Variants in FRMD4A observed in about 807,000 individuals in gnomAD.
FRMD4A encodes FERM domain-containing protein 4A.
FRMD4A carries 29 observed loss-of-function variants against 129.1 expected under a neutral mutation model. That is an observed-to-expected ratio of 0.22 (90% confidence interval 0.17 to 0.31). The LOEUF is 0.31. FRMD4A is among the 10% of genes least tolerant of loss of function. The pLI is 1.00. For synonymous variants in FRMD4A, 634 were observed against 571.6 expected (o/e 1.11, Z -1.56); for missense variants, 1,272 against 1,375.8 (o/e 0.92, Z 1.19).
chr10:13,751,703 T>G (rs2091633145), intron 8 of FRMD4A, among the ~76,000 whole-genome samples: 1 of 152,224 alleles, frequency 6.6e-6, no homozygotes, highest in Admixed American at 6.5e-5. Context: ...GTGGCTGCAT[T>G]CCATTTTTAG....
At chr10:13,767,904 A>T (rs919671890) in intron 6 of FRMD4A, among the ~76,000 whole-genome samples, 3 of 152,050 alleles carry the variant, frequency 2.0e-5, no homozygotes, top group Non-Finnish European at 4.4e-5. Flanking sequence ...AATTACTTTG[A>T]GACTCTAGAG....
chr10:13,806,941 G>GGGATT (rs1243859077), intron 4 of FRMD4A, among the ~76,000 whole-genome samples: 2 of 152,182 alleles, frequency 1.3e-5, no homozygotes, highest in African/African-American at 2.4e-5. Context: ...CCAAGTAGCT[G>GGGATT]GGATTACAGG....
At chr10:13,777,624 T>C (rs1411150687) in intron 6 of FRMD4A, among the ~76,000 whole-genome samples, 4 of 151,942 alleles carry the variant, frequency 2.6e-5, no homozygotes, top group Non-Finnish European at 5.9e-5. Flanking sequence ...GCATCTGTAG[T>C]ATTTAGTTCT....
intron 2 of FRMD4A, among the ~76,000 whole-genome samples, chr10:14,055,331 C>G (rs1443946035): frequency 6.6e-6 from 1 of 152,096 alleles, no homozygotes; most frequent in East Asian, 1.9e-4. Flanking sequence ...ATCCTCACGT[C>G]TTTATGATGT....
intron 2 of FRMD4A, among the ~76,000 whole-genome samples, chr10:14,136,979 G>T (rs1243370481): frequency 6.6e-6 from 1 of 152,158 alleles, no homozygotes; most frequent in Non-Finnish European, 1.5e-5. Context: ...ATACTGCCAG[G>T]TAACTTTCTG....
chr10:13,734,097 C>T (rs906313564), intron 12 of FRMD4A, among the ~76,000 whole-genome samples: 2 of 152,218 alleles, frequency 1.3e-5, no homozygotes, highest in Admixed American at 6.5e-5. Context: ...TCAGCGTCCA[C>T]ACTCTGGTGG....
At chr10:13,761,456 C>T (rs1434991546) in intron 8 of FRMD4A, among the ~76,000 whole-genome samples, 191 bp downstream of exon 8, 4 of 152,246 alleles carry the variant, frequency 2.6e-5, no homozygotes, top group African/African-American at 9.6e-5. Context: ...TGGAGAATAT[C>T]TCCCTTGCTA....
chr10:14,163,371 T>G (rs778757957), intron 2 of FRMD4A, among the ~76,000 whole-genome samples: 1 of 152,226 alleles, frequency 6.6e-6, no homozygotes, highest in Non-Finnish European at 1.5e-5. Flanking sequence ...TGAATATCAA[T>G]GTAGAGTTAA....
intron 21 of FRMD4A, among the ~76,000 whole-genome samples, chr10:13,658,030 C>T (rs759303455): frequency 1.4e-5 from 2 of 144,750 alleles, no homozygotes; most frequent in African/African-American, 2.7e-5. Flanking sequence ...GGGGTCCCAG[C>T]TAGTCAGGAG....
chr10:13,782,942 C>T lies in FRMD4A; in HGVS notation c.364G>A (p.Ala122Thr). ...CCTACCTTGTAGATGCAGGACTTCGCGTTCAGAAAGAAAAGCTCAATGGTA... is the reference window on the plus strand; with the variant it reads ...CCTACCTTGTAGATGCAGGACTTCGTGTTCAGAAAGAAAAGCTCAATGGTA... ...NATIELFFLN[A>T]KSCIYKELID... The change falls in exon 6 of 25, where the codon GCG becomes ACG. Residue 122 changes from alanine to threonine, a missense_variant. Physicochemically the swap from Ala to Thr is moderately conservative, Grantham distance 58. Transcript: ENST00000357447. The T allele has an allele frequency of 2.0e-6, 3 of 1,474,728 alleles. No individual in the cohort carries two copies. Among genetic ancestry groups the T allele is most frequent in the Non-Finnish European group, 2.8e-6 (3 of 1,052,850 alleles). 91.4% of individuals were successfully genotyped at this position (1,474,728 alleles called of 1,614,324 possible).
At chr10:13,880,558 C>A (rs1299395312) in intron 2 of FRMD4A, among the ~76,000 whole-genome samples, 1 of 152,190 alleles carries the variant, frequency 6.6e-6, no homozygotes, top group Admixed American at 6.5e-5. Flanking sequence ...GAGAGCCCCC[C>A]AGGGTAGAGC....
chr10:13,920,825 T>A (rs554922036), intron 2 of FRMD4A, among the ~76,000 whole-genome samples: 106 of 152,098 alleles, frequency 7.0e-4, no homozygotes, highest in South Asian at 1.7e-3. Flanking sequence ...TTTTATTATT[T>A]TTTTTTAATC....
At chr10:14,108,988 C>G (rs1400191104) in intron 2 of FRMD4A, among the ~76,000 whole-genome samples, 2 of 152,092 alleles carry the variant, frequency 1.3e-5, no homozygotes, top group African/African-American at 4.8e-5. Flanking sequence ...TAAGGTCACC[C>G]ATTTTTGTAC....
intron 2 of FRMD4A, chr10:13,971,983 A>C: frequency 1.7e-6 from 2 of 1,185,276 alleles, no homozygotes; most frequent in Non-Finnish European, 2.1e-6. Context: ...ACCCTCACTA[A>C]TCCTCAGAGA....
chr10:13,706,139 C>T (rs2134898530), intron 13 of FRMD4A, among the ~76,000 whole-genome samples: 1 of 152,334 alleles, frequency 6.6e-6, no homozygotes, highest in East Asian at 1.9e-4. Flanking sequence ...GGAGCGTCAA[C>T]AGCGCCTAAA....
intron 2 of FRMD4A, among the ~76,000 whole-genome samples, chr10:14,220,363 T>C (rs1377293332): frequency 6.6e-6 from 1 of 152,130 alleles, no homozygotes; most frequent in African/African-American, 2.4e-5. Context: ...AAAGATAAAA[T>C]TGGCCGTCAA....
intron 22 of FRMD4A, 158 bp from the exon 23 acceptor site, chr10:13,654,670 G>A (rs770873630): frequency 3.3e-6 from 2 of 605,764 alleles, no homozygotes; most frequent in Non-Finnish European, 5.9e-6. Flanking sequence ...GCATCCCTAT[G>A]GCATGGTCAC....
chr10:13,955,948 G>C (rs937470026), intron 2 of FRMD4A, among the ~76,000 whole-genome samples: 2 of 152,320 alleles, frequency 1.3e-5, no homozygotes, highest in Non-Finnish European at 2.9e-5. Flanking sequence ...GGTTATGCAT[G>C]TGAAAAACAC....
chr10:13,747,555 AAAAT>A (rs1207513941), intron 9 of FRMD4A, among the ~76,000 whole-genome samples, 177 bp downstream of exon 9: 2 of 151,856 alleles, frequency 1.3e-5, no homozygotes, highest in Admixed American at 6.6e-5. Flanking sequence ...AATTATTTTA[AAAAT>A]AAATAAATAA....
Sources: allele counts gnomAD v4.1 joint callset (sites outside exome capture counted in the v4.1 genomes callset), GRCh38; gene constraint gnomAD v4.1.1; transcripts MANE v1.5; gene names NCBI Gene and HGNC (gene_info 2026-07-23, HGNC 2026-07-21).